TMCO5A: variants seen among roughly 807,000 people sequenced by gnomAD.
TMCO5A encodes transmembrane and coiled-coil domains 5A.
Under a neutral mutation model 42.3 loss-of-function variants are expected in TMCO5A, and 34 were observed. The observed-to-expected ratio is 0.80, with a 90% CI of 0.61 to 1.07. TMCO5A has a LOEUF of 1.07. TMCO5A is among the 50% of genes least tolerant of loss of function. The pLI, the probability that TMCO5A is intolerant of heterozygous loss-of-function variation, is 0.00. For synonymous variants in TMCO5A, 131 were observed against 115.6 expected (o/e 1.13, Z -0.86); for missense variants, 357 against 327.9 (o/e 1.09, Z -0.69).
the TMCO5A span, among the ~76,000 whole-genome samples, chr15:38,039,468 T>A: frequency 1.3e-5 from 2 of 152,200 alleles, no homozygotes; most frequent in African/African-American, 4.8e-5. Context: ...AAGTTATCGT[T>A]CCTCTTGTGT....
chr15:37,972,428 G>A (rs73388276), downstream of TMCO5A, among the ~76,000 whole-genome samples: 3,651 of 152,160 alleles, frequency 0.024, 153 homozygotes, highest in African/African-American at 0.083. Flanking sequence ...TCTTTTCTCT[G>A]CAACTTTGTC....
rs1222707042 is a variant in TMCO5A, at chr15:37,949,577, T to C, written c.669-1459T>C. Reference sequence around the variant, plus strand: ...ACTTTGGTATGTGACAGTGATTGCATGTCAAAGGAAAAGGCAGAACGAACT... The same window carrying C: ...ACTTTGGTATGTGACAGTGATTGCACGTCAAAGGAAAAGGCAGAACGAACT... On this transcript the variant is annotated intron_variant, in intron 11 of 11. Coordinates refer to ENST00000319669, the MANE Select transcript of TMCO5A (RefSeq NM_152453.4). Among the ~76,000 whole-genome samples the C allele has an allele frequency of 3.3e-5, 5 of 151,830 alleles. No individual in the cohort carries two copies. In the East Asian group the frequency reaches 9.7e-4, roughly 29 times the overall value.
At chr15:38,005,053 G>A in the TMCO5A span, among the ~76,000 whole-genome samples, 1 of 151,924 alleles carries the variant, frequency 6.6e-6, no homozygotes, top group Admixed American at 6.6e-5. Context: ...ACAGAGTACA[G>A]GTCTGTTTCT....
At chr15:37,968,748 A>G (rs1890616429), downstream of TMCO5A, among the ~76,000 whole-genome samples, 1 of 151,608 alleles carries the variant, frequency 6.6e-6, no homozygotes, top group Middle Eastern at 3.2e-3. Context: ...ACGCCCGGCT[A>G]ATTTTTGTAT....
At chr15:37,966,916 A>G (rs775816273) in exon 12 of TMCO5A, 38 of 483,470 alleles carry the variant, frequency 7.9e-5, no homozygotes, top group Non-Finnish European at 1.2e-4. Context: ...CCTAAACTAT[A>G]TGAAATGCAT....
At chr15:38,019,940 A>G in the TMCO5A span, among the ~76,000 whole-genome samples, 1 of 151,906 alleles carries the variant, frequency 6.6e-6, no homozygotes, top group Non-Finnish European at 1.5e-5. Flanking sequence ...GGACAAATGT[A>G]TAATGACATG....
At chr15:37,982,008 T>A in the TMCO5A span, among the ~76,000 whole-genome samples, 2 of 152,184 alleles carry the variant, frequency 1.3e-5, no homozygotes, top group Non-Finnish European at 2.9e-5. Flanking sequence ...TCCATGACAC[T>A]TGCAAGATCT....
the TMCO5A span, among the ~76,000 whole-genome samples, chr15:38,015,988 G>T: frequency 6.6e-6 from 1 of 152,182 alleles, no homozygotes; most frequent in African/African-American, 2.4e-5. Flanking sequence ...GTAGATGTGT[G>T]TCATTTTATA....
chr15:38,008,623 T>C, the TMCO5A span, among the ~76,000 whole-genome samples: 1 of 152,194 alleles, frequency 6.6e-6, no homozygotes, highest in African/African-American at 2.4e-5. Flanking sequence ...AATAAGCTTC[T>C]GATATCCCTG....
the TMCO5A span, among the ~76,000 whole-genome samples, chr15:38,030,821 C>A: frequency 1.3e-5 from 2 of 152,162 alleles, no homozygotes; most frequent in African/African-American, 4.8e-5. Context: ...TCCTTTGGGT[C>A]CCTGTTTACA....
chr15:38,007,465 A>G, the TMCO5A span, among the ~76,000 whole-genome samples: 1 of 152,228 alleles, frequency 6.6e-6, no homozygotes, highest in Non-Finnish European at 1.5e-5. Flanking sequence ...TACACAGAAT[A>G]TTAAAATTAA....
the TMCO5A span, among the ~76,000 whole-genome samples, chr15:37,993,904 A>G: frequency 6.6e-6 from 1 of 152,130 alleles, no homozygotes. Flanking sequence ...TTGTCATCCA[A>G]ACTTTCCCCT....
the TMCO5A span, among the ~76,000 whole-genome samples, chr15:38,005,680 G>T: frequency 8.3e-4 from 127 of 152,274 alleles, 1 homozygote; most frequent in Non-Finnish European, 1.4e-3. Flanking sequence ...AAGCACAAGT[G>T]GTTCCGGTGA....
chr15:37,991,452 G>C, the TMCO5A span, among the ~76,000 whole-genome samples: 2 of 151,994 alleles, frequency 1.3e-5, no homozygotes, highest in Non-Finnish European at 2.9e-5. Flanking sequence ...GTTCCTACTA[G>C]GAATTTTTTG....
At chr15:37,989,174 A>G in the TMCO5A span, among the ~76,000 whole-genome samples, 3 of 151,898 alleles carry the variant, frequency 2.0e-5, no homozygotes, top group African/African-American at 7.2e-5. Flanking sequence ...CATCAATAAT[A>G]ATCCTTTAAT....
At chr15:37,971,442 T>C (rs1205245818), downstream of TMCO5A, among the ~76,000 whole-genome samples, 1 of 152,218 alleles carries the variant, frequency 6.6e-6, no homozygotes, top group East Asian at 1.9e-4. Context: ...TTGGAGGGGC[T>C]GCCATGAAGA....
At chr15:37,935,233 G>C (rs1321735071) in intron 1 of TMCO5A, 24 bp from the exon 2 acceptor site, 1 of 152,068 alleles carries the variant, frequency 6.6e-6, no homozygotes, top group East Asian at 1.9e-4. Context: ...CAATTCATTA[G>C]ATACATCTCT....
chr15:37,943,646 A>G, intron 10 of TMCO5A: 1 of 459,530 alleles, frequency 2.2e-6, no homozygotes, highest in South Asian at 2.8e-5. Flanking sequence ...GACCTAAGAG[A>G]ACTCAGAATG....
chr15:37,963,795 A>G (rs775164875), intron 11 of TMCO5A, among the ~76,000 whole-genome samples: 1 of 152,156 alleles, frequency 6.6e-6, no homozygotes, highest in South Asian at 2.1e-4. Context: ...GCCTTTCGCC[A>G]TTATACAATG....
Sources: allele counts gnomAD v4.1 joint callset (sites outside exome capture counted in the v4.1 genomes callset), GRCh38; gene constraint gnomAD v4.1.1; transcripts MANE v1.5; gene names NCBI Gene and HGNC (gene_info 2026-07-23, HGNC 2026-07-21).